The following LINGO3 variants were observed in gnomAD, a reference collection of about 807,000 sequenced individuals.
LINGO3 encodes the protein leucine rich repeat and Ig domain containing 3, also known as leucine-rich repeat and immunoglobulin-like domain-containing nogo receptor-interacting protein 3.
For synonymous variants in LINGO3, 427 were observed against 444.2 expected (o/e 0.96, Z 0.49); for missense variants, 750 against 867.7 (o/e 0.86, Z 1.70).
At chr19:2,299,729 T>C in the LINGO3 span, among the ~76,000 whole-genome samples, 1 of 145,242 alleles carries the variant, frequency 6.9e-6, no homozygotes, top group Non-Finnish European at 1.5e-5. Flanking sequence ...CTGCCTTTTT[T>C]TTTTTTTTTT....
At chr19:2,297,214 C>T in the LINGO3 span, among the ~76,000 whole-genome samples, 2 of 152,068 alleles carry the variant, frequency 1.3e-5, no homozygotes, top group Middle Eastern at 3.4e-3. Context: ...CTAGACTCAT[C>T]CAGATACTGC....
chr19:2,293,574 G>C (rs1396602041), upstream of LINGO3, among the ~76,000 whole-genome samples: 5 of 147,426 alleles, frequency 3.4e-5, no homozygotes, highest in Non-Finnish European at 6.0e-5. Flanking sequence ...TGGCCAGGCT[G>C]GTCTTGAACT....
At chr19:2,307,155 C>T in the LINGO3 span, among the ~76,000 whole-genome samples, 1 of 152,166 alleles carries the variant, frequency 6.6e-6, no homozygotes, top group Non-Finnish European at 1.5e-5. Context: ...AGCAGACGCC[C>T]GCTCCCCACC....
chr19:2,291,425 G>C, exon 1 of LINGO3: 1 of 1,613,368 alleles, frequency 6.2e-7, no homozygotes, highest in South Asian at 1.1e-5. Context: ...ACCCCGGGCG[G>C]GATGAGCTTC....
exon 1 of LINGO3, chr19:2,289,798 T>G: frequency 2.0e-6 from 1 of 498,230 alleles, no homozygotes; most frequent in Non-Finnish European, 3.5e-6. Flanking sequence ...GTTGAAATCT[T>G]TAGAAAACGC....
the LINGO3 span, among the ~76,000 whole-genome samples, chr19:2,303,198 A>G: frequency 3.9e-5 from 6 of 152,164 alleles, no homozygotes; most frequent in African/African-American, 1.4e-4. Context: ...CCGTCTGGAC[A>G]TCTCGCATCA....
At chr19:2,291,467 G>A (rs761812750) in exon 1 of LINGO3, 2 of 1,612,920 alleles carry the variant, frequency 1.2e-6, no homozygotes, top group African/African-American at 1.3e-5. Context: ...AGGACGCGCA[G>A]GCGCGGCAGG....
chr19:2,303,670 C>G, the LINGO3 span, among the ~76,000 whole-genome samples: 1 of 152,212 alleles, frequency 6.6e-6, no homozygotes, highest in African/African-American at 2.4e-5. Flanking sequence ...TCTGCGTGGT[C>G]CGACCCCAGG....
chr19:2,305,421 C>T, the LINGO3 span, among the ~76,000 whole-genome samples: 8 of 152,034 alleles, frequency 5.3e-5, no homozygotes, highest in African/African-American at 1.2e-4. Flanking sequence ...TGTGAGTGGC[C>T]GGGGTCCCTC....
rs931086898 is a variant in LINGO3 at position 2,290,834 on chromosome 19, G to C, written c.943C>G (p.Leu315Val). Residue 315 changes from leucine (L) to valine (V), a missense_variant, in exon 1 of 1, where the codon CTG becomes GTG. Coordinates refer to ENST00000585527, the Ensembl canonical transcript of LINGO3. The surrounding 1 kb of genome is among the most constrained non-coding windows in gnomAD (Gnocchi z 6.0). ...AGCAGGCGGATCTGGCGCAGGCCCAGGAAGGCCTGCGGCTCCACCACAGCC... is the reference window on the plus strand; with the variant it reads ...AGCAGGCGGATCTGGCGCAGGCCCACGAAGGCCTGCGGCTCCACCACAGCC... 1.2e-6 allele frequency: 2 copies of C among 1,612,050 alleles called. No individual in the cohort carries two copies.
Position 2,290,926 on chromosome 19 carries a change from G to A in LINGO3, c.851C>T (p.Thr284Met), listed in dbSNP as rs1253805471. Residue 284 changes from threonine (T) to methionine (M), a missense_variant, in exon 1 of 1, where the codon ACG becomes ATG. Transcript: ENST00000585527. This position sits in a 1 kb window ranked among gnomAD's most constrained non-coding sequence, Gnocchi z 6.0. ...GTCCCGGAACGACCCCCGCGGCACC[G>A]TGCTGATGGGGTTGTGCGACAGATT... The A allele has an allele frequency of 3.1e-6, 5 of 1,611,766 alleles. No homozygotes were observed. Among genetic ancestry groups the A allele is most frequent in the African/African-American group, 2.7e-5 (2 of 74,884 alleles).
exon 1 of LINGO3, chr19:2,291,423 C>A (rs370489824): frequency 1.2e-6 from 2 of 1,613,260 alleles, no homozygotes; most frequent in East Asian, 2.2e-5. Context: ...AGACCCCGGG[C>A]GGGATGAGCT....
At chr19:2,292,327 G>T (rs1009368064), upstream of LINGO3, among the ~76,000 whole-genome samples, 10 of 150,784 alleles carry the variant, frequency 6.6e-5, no homozygotes, top group Non-Finnish European at 1.0e-4. Flanking sequence ...GAGCCCAGGG[G>T]GTTGAGGCCA....
chr19:2,289,401 T>G (rs962466297), downstream of LINGO3, among the ~76,000 whole-genome samples: 2 of 151,986 alleles, frequency 1.3e-5, no homozygotes, highest in Non-Finnish European at 2.9e-5. Context: ...CTGGTTTTAG[T>G]GTCGGCTGGG....
chr19:2,300,795 G>C, the LINGO3 span, among the ~76,000 whole-genome samples: 1 of 152,160 alleles, frequency 6.6e-6, no homozygotes, highest in African/African-American at 2.4e-5. Flanking sequence ...TCCTGTTCTG[G>C]CATTGGTGTC....
the LINGO3 span, among the ~76,000 whole-genome samples, chr19:2,303,483 G>A: frequency 6.6e-5 from 10 of 152,090 alleles, no homozygotes; most frequent in Non-Finnish European, 1.3e-4. Context: ...GAGGCTGGCC[G>A]GGGGTGTGTC....
upstream of LINGO3, among the ~76,000 whole-genome samples, chr19:2,292,350 A>G (rs1056225041): frequency 8.0e-6 from 1 of 125,224 alleles, no homozygotes; most frequent in Non-Finnish European, 1.6e-5. Context: ...GTGAGCTGTG[A>G]TCGTGCCACT....
chr19:2,303,445 G>T, the LINGO3 span, among the ~76,000 whole-genome samples: 3 of 152,104 alleles, frequency 2.0e-5, no homozygotes, highest in African/African-American at 7.2e-5. Flanking sequence ...GGGAGCCGGG[G>T]TCAGCAGGGT....
chr19:2,307,162 C>G, the LINGO3 span, among the ~76,000 whole-genome samples: 2 of 152,296 alleles, frequency 1.3e-5, no homozygotes, highest in South Asian at 4.1e-4. Context: ...GCCCGCTCCC[C>G]ACCCCCGCCG....
Sources: allele counts gnomAD v4.1 joint callset (sites outside exome capture counted in the v4.1 genomes callset), GRCh38; gene constraint gnomAD v4.1.1; non-coding constraint Gnocchi (gnomAD v3.1); transcripts MANE v1.5; gene names NCBI Gene and HGNC (gene_info 2026-07-23, HGNC 2026-07-21).